The following PHTF2 variants were observed in gnomAD, a reference collection of about 807,000 sequenced individuals.
The protein encoded by PHTF2 is putative homeodomain transcription factor 2, also known as protein PHTF2.
PHTF2 carries 60 observed loss-of-function variants against 101.2 expected under a neutral mutation model. The observed-to-expected ratio is 0.59, with a 90% CI of 0.48 to 0.73. The LOEUF is 0.73. Ranked by LOEUF, PHTF2 falls within the 30% of genes least tolerant of loss-of-function variation. PHTF2 has a pLI of 0.00. For synonymous variants in PHTF2, 311 were observed against 307.3 expected, an observed-to-expected ratio of 1.01 and a Z score of -0.13; for missense variants, 747 against 908.7, an observed-to-expected ratio of 0.82 and a Z score of 2.29.
intron 2 of PHTF2, among the ~76,000 whole-genome samples, chr7:77,845,969 T>C: frequency 6.6e-6 from 1 of 152,180 alleles, no homozygotes; most frequent in East Asian, 1.9e-4. Flanking sequence ...GCCTCTTTTT[T>C]TCCTATTGCT....
intron 1 of PHTF2, among the ~76,000 whole-genome samples, chr7:77,836,673 A>G (rs1795497702): frequency 1.3e-5 from 2 of 152,200 alleles, no homozygotes. Context: ...TTGCAGGGAC[A>G]TGGATGATGC....
chr7:77,807,950 G>A (rs1406990847), intron 1 of PHTF2, among the ~76,000 whole-genome samples: 1 of 152,032 alleles, frequency 6.6e-6, no homozygotes, highest in Non-Finnish European at 1.5e-5. Context: ...TGAAGAGATT[G>A]TTCTTTTCCT....
chr7:77,866,773 A>G (rs895672374), intron 3 of PHTF2, among the ~76,000 whole-genome samples: 1 of 152,224 alleles, frequency 6.6e-6, no homozygotes, highest in East Asian at 1.9e-4. Flanking sequence ...TTAAAATATG[A>G]CATAGCTTTT....
chr7:77,841,306 C>T (rs1166578512), intron 2 of PHTF2, among the ~76,000 whole-genome samples: 1 of 151,858 alleles, frequency 6.6e-6, no homozygotes, highest in African/African-American at 2.4e-5. Context: ...TCTTGAACTC[C>T]TAACCTCAGG....
At chr7:77,910,287 A>G in exon 9 of PHTF2, 2 of 1,613,578 alleles carry the variant, frequency 1.2e-6, no homozygotes, top group Non-Finnish European at 1.7e-6. Context: ...ATAGGGAAGG[A>G]GATGGTTCTA....
chr7:77,934,923 G>C (rs1804946837), intron 12 of PHTF2, among the ~76,000 whole-genome samples: 1 of 151,734 alleles, frequency 6.6e-6, no homozygotes, highest in Non-Finnish European at 1.5e-5. Context: ...CCACACTCCA[G>C]CCTGGGCAGT....
At chr7:77,908,085 C>T (rs556186990) in intron 7 of PHTF2, 19 of 152,016 alleles carry the variant, frequency 1.2e-4, no homozygotes, top group African/African-American at 4.3e-4. Flanking sequence ...ACTGATTGGC[C>T]CTGCTTAGGT....
At chr7:77,940,257 G>T in exon 14 of PHTF2, 1 of 1,613,476 alleles carries the variant, frequency 6.2e-7, no homozygotes, top group South Asian at 1.1e-5. Context: ...CTCTTGTGTG[G>T]ATTTTCTTTT....
At chr7:77,867,589 A>G (rs570077686) in intron 3 of PHTF2, among the ~76,000 whole-genome samples, 3 of 152,216 alleles carry the variant, frequency 2.0e-5, no homozygotes, top group Non-Finnish European at 2.9e-5. Flanking sequence ...TAACTGCCTC[A>G]ACTGGCATTT....
At chr7:77,861,137 TTC>T (rs1295015820) in intron 3 of PHTF2, among the ~76,000 whole-genome samples, 3 of 152,126 alleles carry the variant, frequency 2.0e-5, no homozygotes, top group South Asian at 2.1e-4. Context: ...ATTCTTTAAT[TTC>T]TTTTTTTATT....
chr7:77,886,764 C>T (rs1343408629), intron 3 of PHTF2, among the ~76,000 whole-genome samples: 1 of 152,128 alleles, frequency 6.6e-6, no homozygotes, highest in Non-Finnish European at 1.5e-5. Context: ...GATACAGTGG[C>T]TGGGCGCAGT....
intron 1 of PHTF2, among the ~76,000 whole-genome samples, chr7:77,833,580 A>G (rs1186341423): frequency 6.6e-6 from 1 of 152,154 alleles, no homozygotes; most frequent in Non-Finnish European, 1.5e-5. Context: ...GGGCAGCATA[A>G]TGAGACTCCA....
At chr7:77,914,864 T>A (rs1190611719) in intron 9 of PHTF2, among the ~76,000 whole-genome samples, 1 of 152,200 alleles carries the variant, frequency 6.6e-6, no homozygotes, top group Non-Finnish European at 1.5e-5. Context: ...CTGACTGAGC[T>A]GTCTTCTAAA....
intron 2 of PHTF2, among the ~76,000 whole-genome samples, chr7:77,852,772 G>C (rs1448480093): frequency 6.6e-6 from 1 of 152,174 alleles, no homozygotes; most frequent in African/African-American, 2.4e-5. Flanking sequence ...GACAGATCTG[G>C]TGTTGATGAA....
chr7:77,920,203 C>A, intron 9 of PHTF2, 76 bp from the exon 9 acceptor site: 1 of 713,342 alleles, frequency 1.4e-6, no homozygotes, highest in Non-Finnish European at 2.3e-6. Context: ...TAATTATTAA[C>A]AGATTATAAT....
chr7:77,827,431 C>T (rs1271523777), intron 1 of PHTF2, among the ~76,000 whole-genome samples: 1 of 152,106 alleles, frequency 6.6e-6, no homozygotes. Flanking sequence ...CTCGGCTCAT[C>T]GTGACCTCTG....
chr7:77,891,488 C>A (rs1425924295), intron 3 of PHTF2, among the ~76,000 whole-genome samples: 1 of 151,646 alleles, frequency 6.6e-6, no homozygotes, highest in Admixed American at 6.6e-5. Flanking sequence ...AGACTCATGG[C>A]AGTTTTAGTT....
intron 1 of PHTF2, among the ~76,000 whole-genome samples, chr7:77,807,372 GT>G (rs138432052): frequency 0.1 from 15,438 of 147,832 alleles, 1,099 homozygotes; most frequent in African/African-American, 0.19. Context: ...TTTATTTTCT[GT>G]TTTTTTTTTA....
rs372155851 is a variant in PHTF2 at position 77,802,700 on chromosome 7, A to C, written c.-36+3729A>C. Among the ~76,000 whole-genome samples, 7 of 152,232 alleles carry C rather than the reference A, an allele frequency of 4.6e-5. No homozygotes were observed. The South Asian group carries it at 6.2e-4, about 14-fold the overall frequency. On this transcript the variant is annotated intron_variant, in intron 1 of 19. Coordinates refer to ENST00000416283, the Ensembl canonical transcript of PHTF2. Reference sequence around the variant, plus strand: ...CAGGCATGCACCACTGTGTCCAGCTAATGTTTTAATTTTTATTTTTTTGTA... The same window carrying C: ...CAGGCATGCACCACTGTGTCCAGCTCATGTTTTAATTTTTATTTTTTTGTA...
Sources: allele counts gnomAD v4.1 joint callset (sites outside exome capture counted in the v4.1 genomes callset), GRCh38; gene constraint gnomAD v4.1.1; transcripts MANE v1.5; gene names NCBI Gene and HGNC (gene_info 2026-07-23, HGNC 2026-07-21).